The following TBC1D23 variants were observed in gnomAD, a reference collection of about 807,000 sequenced individuals.
The protein encoded by TBC1D23 is HCV non-structural protein 4A-transactivated protein 1.
TBC1D23 carries 55 observed loss-of-function variants against 91.4 expected under a neutral mutation model. That is an observed-to-expected ratio of 0.60 (90% CI 0.48 to 0.75). The LOEUF (loss-of-function observed/expected upper bound fraction) is 0.75. Ranked by LOEUF, TBC1D23 falls within the 30% of genes least tolerant of loss-of-function variation. The pLI, the probability that TBC1D23 is intolerant of heterozygous loss-of-function variation, is 0.00. For missense variants in TBC1D23, 725 were observed against 836.1 expected, an observed-to-expected ratio of 0.87 and a Z score of 1.64; for synonymous variants, 289 against 281.0, an observed-to-expected ratio of 1.03 and a Z score of -0.28.
chr3:100,315,699 G>A (rs1388089132), intron 15 of TBC1D23, among the ~76,000 whole-genome samples: 1 of 152,116 alleles, frequency 6.6e-6, no homozygotes, highest in Admixed American at 6.6e-5. Flanking sequence ...CAATAAAATT[G>A]ACTGATTTAG....
At position 100,281,728 on chromosome 3, in the gene TBC1D23, A is replaced by G. The variant is rs756335731; in HGVS notation, c.166-14A>G. On this transcript the variant is annotated splice_polypyrimidine_tract_variant and intron_variant, in intron 2 of 18. Transcript: ENST00000394144. ...AACATATGAAGCTAGTCACTTTTTAAATCTTTCTTCCAGATTGCTCTGAAT... is the reference window on the plus strand; with the variant it reads ...AACATATGAAGCTAGTCACTTTTTAGATCTTTCTTCCAGATTGCTCTGAAT... The G allele has an allele frequency of 6.4e-7, 1 of 1,572,340 alleles. No homozygotes were observed. Among genetic ancestry groups the G allele is most frequent in the South Asian group, 1.1e-5 (1 of 89,206 alleles).
intron 1 of TBC1D23, among the ~76,000 whole-genome samples, chr3:100,266,526 A>G (rs1482415036): frequency 6.6e-6 from 1 of 152,090 alleles, no homozygotes; most frequent in Non-Finnish European, 1.5e-5. Flanking sequence ...TCCTCACCCT[A>G]CCACAGTGTT....
At chr3:100,297,499 T>A (rs1421108799) in intron 8 of TBC1D23, among the ~76,000 whole-genome samples, 4 of 152,200 alleles carry the variant, frequency 2.6e-5, no homozygotes, top group Non-Finnish European at 4.4e-5. Flanking sequence ...GCTGCACCTT[T>A]TATTCTTCAG....
At chr3:100,261,105 C>T in intron 1 of TBC1D23, 34 bp downstream of exon 1, 1 of 1,596,858 alleles carries the variant, frequency 6.3e-7, no homozygotes, top group Non-Finnish European at 8.6e-7. Flanking sequence ...TCCAATGCCC[C>T]TTTATTCTTC....
intron 10 of TBC1D23, among the ~76,000 whole-genome samples, chr3:100,301,228 G>A (rs981515054): frequency 1.1e-4 from 16 of 139,646 alleles, no homozygotes; most frequent in African/African-American, 1.9e-4. Context: ...AGCCGAGATC[G>A]CACCAGTGCA....
chr3:100,284,637 C>G (rs1230662105), intron 4 of TBC1D23, among the ~76,000 whole-genome samples: 2 of 151,578 alleles, frequency 1.3e-5, no homozygotes, highest in Non-Finnish European at 2.9e-5. Context: ...TGAGACCAGA[C>G]AGATGTGCAG....
chr3:100,324,189 A>T lies in TBC1D23; in HGVS notation c.*521A>T, dbSNP rs1705914839. 2 of 152,242 alleles carry T rather than the reference A, an allele frequency of 1.3e-5. No homozygotes were observed. Among genetic ancestry groups the T allele is most frequent in the Admixed American group, 1.3e-4 (2 of 15,294 alleles). The allele number at this position is 152,242 out of a possible 1,614,324, so 9.4% of individuals were successfully genotyped here. A position where few individuals can be genotyped will look rare whatever the true frequency, so the allele number is the denominator to read the frequency against. ...TCTTAAAAAGAGTGAAATCTTTTTA[A>T]TGGAATGGTTGAAGATTCCTGCCAA... On this transcript the variant is annotated 3_prime_UTR_variant, in exon 19 of 19. Coordinates refer to ENST00000394144, the MANE Select transcript of TBC1D23 (RefSeq NM_001199198.3).
intron 12 of TBC1D23, 80 bp downstream of exon 12, chr3:100,304,968 T>C: frequency 1.3e-6 from 1 of 798,174 alleles, no homozygotes; most frequent in Admixed American, 2.2e-5. Context: ...TGATCTGGAG[T>C]GGTCACATTA....
Position 100,320,791 on chromosome 3 carries a change from C to G in TBC1D23, c.1838C>G (p.Thr613Ser). Residue 613 changes from threonine to serine, a missense_variant, in exon 18 of 19, where the codon ACT becomes AGT. Transcript: ENST00000394144. ...TTTGTCTCAAGTCATCTGTTGGTTA[C>G]TGCAACACATATGTACTGTTTAAGG... ...GHMFPSHLLV[T>S]ATHMYCLREI... 6.6e-7 allele frequency: 1 copy of G among 1,515,948 alleles called. No homozygotes were observed. Among genetic ancestry groups the G allele is most frequent in the Non-Finnish European group, 8.8e-7 (1 of 1,133,680 alleles). The allele number at this position is 1,515,948 out of a possible 1,614,324, so 93.9% of individuals were successfully genotyped here. A position where few individuals can be genotyped will look rare whatever the true frequency, so the allele number is the denominator to read the frequency against.
chr3:100,299,124 T>C (rs1462857587), intron 9 of TBC1D23, 115 bp from the exon 10 acceptor site: 4 of 587,878 alleles, frequency 6.8e-6, no homozygotes, highest in African/African-American at 1.9e-5. Flanking sequence ...CAATTCCATG[T>C]GAGATCCATT....
chr3:100,279,821 G>A (rs1405724862), intron 2 of TBC1D23, 61 bp downstream of exon 2: 3 of 1,098,870 alleles, frequency 2.7e-6, no homozygotes, highest in African/African-American at 1.6e-5. Context: ...TTAAAAGTTT[G>A]TTGCTTCAGA....
chr3:100,280,761 GTGT>G (rs2067687236), intron 2 of TBC1D23, among the ~76,000 whole-genome samples: 1 of 152,232 alleles, frequency 6.6e-6, no homozygotes, highest in South Asian at 2.1e-4. Flanking sequence ...CATTTAGCCA[GTGT>G]TGTTTGATTA....
At chr3:100,306,607 C>A in intron 13 of TBC1D23, 64 bp downstream of exon 13, 1 of 896,934 alleles carries the variant, frequency 1.1e-6, no homozygotes, top group Non-Finnish European at 1.8e-6. Flanking sequence ...TGATTAACTA[C>A]TAAACCCCCA....
intron 16 of TBC1D23, among the ~76,000 whole-genome samples, chr3:100,317,286 G>T (rs899768038): frequency 6.6e-6 from 1 of 151,952 alleles, no homozygotes; most frequent in Non-Finnish European, 1.5e-5. Context: ...ATCTCACCTT[G>T]CTTTTTCCAG....
At chr3:100,315,856 A>G in intron 15 of TBC1D23, 1 of 498,322 alleles carries the variant, frequency 2.0e-6, no homozygotes, top group Non-Finnish European at 3.6e-6. Context: ...TTAAAATTTA[A>G]TTTTTACATA....
chr3:100,314,944 C>T (rs1194112172), intron 15 of TBC1D23, among the ~76,000 whole-genome samples: 1 of 152,114 alleles, frequency 6.6e-6, no homozygotes, highest in African/African-American at 2.4e-5. Context: ...TGAACCTTAT[C>T]CTACAAGTAA....
rs1482767147 is a variant in TBC1D23, at chr3:100,293,440, G to A, written c.601-1647G>A. Reference sequence around the variant, plus strand: ...GAGCCACTGTGCCTGGCCTCAGATAGTTTACTCTTGCTACTAGTATCATGT... The same window carrying A: ...GAGCCACTGTGCCTGGCCTCAGATAATTTACTCTTGCTACTAGTATCATGT... On this transcript the variant is annotated intron_variant, in intron 5 of 18. Coordinates refer to ENST00000394144, the MANE Select transcript of TBC1D23 (RefSeq NM_001199198.3). 2.0e-5 allele frequency among the ~76,000 whole-genome samples: 3 copies of A among 152,216 alleles called. No homozygotes were observed. The East Asian group carries it at 5.8e-4, about 29-fold the overall frequency.
chr3:100,291,616 T>C (rs1398602314), intron 5 of TBC1D23, among the ~76,000 whole-genome samples: 1 of 151,620 alleles, frequency 6.6e-6, no homozygotes, highest in Non-Finnish European at 1.5e-5. Context: ...ATTTTAAATG[T>C]TTATTAATTT....
chr3:100,322,411 A>G (rs1705876108), intron 18 of TBC1D23, among the ~76,000 whole-genome samples: 1 of 152,158 alleles, frequency 6.6e-6, no homozygotes, highest in Non-Finnish European at 1.5e-5. Context: ...ATAAATTCTT[A>G]GCTTTTTAAT....
Sources: gnomAD v4.1 joint callset for allele counts (sites outside exome capture counted in the v4.1 genomes callset) on GRCh38, gnomAD v4.1.1 for gene constraint, MANE v1.5 for transcripts, NCBI Gene and HGNC (gene_info 2026-07-23, HGNC 2026-07-21) for gene names.